RPS6KA2: variants seen among roughly 807,000 people sequenced by gnomAD.
The protein encoded by RPS6KA2 is ribosomal protein S6 kinase A2.
Under a neutral mutation model 91.8 loss-of-function variants are expected in RPS6KA2, and 42 were observed. The ratio of observed to expected loss-of-function variants is 0.46; its 90% CI spans 0.36 to 0.59. The LOEUF is 0.59. Ranked by LOEUF, RPS6KA2 falls within the 20% of genes least tolerant of loss-of-function variation. The pLI, the probability that RPS6KA2 is intolerant of heterozygous loss-of-function variation, is 0.00. For missense variants in RPS6KA2, 798 were observed against 978.5 expected, an observed-to-expected ratio of 0.82 and a Z score of 2.46; for synonymous variants, 414 against 393.6, an observed-to-expected ratio of 1.05 and a Z score of -0.61.
chr6:166,787,691 T>C (rs181905930), intron 2 of RPS6KA2, among the ~76,000 whole-genome samples: 8 of 152,156 alleles, frequency 5.3e-5, no homozygotes, highest in Admixed American at 5.2e-4. Flanking sequence ...GAGTAAAGAC[T>C]TAGATGTAAA....
Position 166,412,898 on chromosome 6 carries a change from G to C in RPS6KA2, c.2077-11C>G. On this transcript the variant is annotated splice_polypyrimidine_tract_variant and intron_variant, in intron 20 of 20. Transcript: ENST00000265678. This position sits in a 1 kb window ranked among gnomAD's most constrained non-coding sequence, Gnocchi z 4.3. ...GGCGGCCATCGCGCCCTGCAAAACA[G>C]AAGACAAGGGTGAGAGCCGCGGCGC... 6.5e-7 allele frequency: 1 copy of C among 1,547,190 alleles called. No homozygotes were observed. Among genetic ancestry groups the C allele is most frequent in the Non-Finnish European group, 8.7e-7 (1 of 1,144,366 alleles).
At chr6:166,523,490 C>T (rs970401976) in intron 3 of RPS6KA2, among the ~76,000 whole-genome samples, 3 of 152,184 alleles carry the variant, frequency 2.0e-5, no homozygotes, top group South Asian at 2.1e-4. Flanking sequence ...ACCTTCACCA[C>T]CTCCAAACAA....
chr6:166,714,627 C>T (rs904342537), intron 2 of RPS6KA2, among the ~76,000 whole-genome samples: 30 of 152,268 alleles, frequency 2.0e-4, no homozygotes, highest in Middle Eastern at 3.4e-3. Context: ...GAGGCAGAGG[C>T]GGGGCAATGC....
chr6:166,539,672 C>G (rs1030680024), intron 1 of RPS6KA2, among the ~76,000 whole-genome samples: 1 of 152,202 alleles, frequency 6.6e-6, no homozygotes, highest in Non-Finnish European at 1.5e-5. Context: ...AAAACACTGA[C>G]AGAAAACACT....
Position 166,853,823 on chromosome 6 carries a change from A to G in RPS6KA2, c.123+4377T>C, listed in dbSNP as rs149374862. Among the ~76,000 whole-genome samples the G allele has an allele frequency of 1.5e-3, 223 of 152,344 alleles. 1 individual carries two copies. The highest frequency in any genetic ancestry group is 5.2e-3 in the African/African-American group (217 of 41,576). On this transcript the variant is annotated intron_variant, in intron 2 of 21. Coordinates refer to the RPS6KA2 transcript ENST00000503859. ...GTTTCCTGCACGGAGCTGTCGCCTC[A>G]TGGAGGCGCTCTCAGCCCCGGTGCT...
In RPS6KA2 at chr6:166,419,608, A is replaced by G. The variant is rs1000376914; in HGVS notation, c.1820+274T>C. Among the ~76,000 whole-genome samples, 2 of 152,212 alleles carry G rather than the reference A, an allele frequency of 1.3e-5. No individual in the cohort carries two copies. The highest frequency in any genetic ancestry group is 4.8e-5 in the African/African-American group (2 of 41,454). On this transcript the variant is annotated intron_variant, in intron 18 of 20. Coordinates refer to ENST00000265678, the MANE Select transcript of RPS6KA2 (RefSeq NM_021135.6). The surrounding 1 kb of genome is among the most constrained non-coding windows in gnomAD (Gnocchi z 5.6). ...AACAGTGGCAGGTGCAGCAGAGAGA[A>G]TGGGGACTATGCTGGCAAAAGACTT...
At chr6:166,550,820 GT>G (rs1443219427) in intron 1 of RPS6KA2, among the ~76,000 whole-genome samples, 2 of 151,886 alleles carry the variant, frequency 1.3e-5, no homozygotes, top group Non-Finnish European at 2.9e-5. Flanking sequence ...GGCTAACACG[GT>G]GAAACCCCGT....
chr6:166,559,655 G>A (rs1784281888), intron 1 of RPS6KA2, among the ~76,000 whole-genome samples: 1 of 152,170 alleles, frequency 6.6e-6, no homozygotes, highest in East Asian at 1.9e-4. Context: ...TCCGAATTGA[G>A]TAATATGGTC....
In RPS6KA2 at chr6:166,445,133, A is replaced by G. The variant is rs1779636881; in HGVS notation, c.1332+3591T>C. 6.6e-6 allele frequency among the ~76,000 whole-genome samples: 1 copy of G among 151,982 alleles called. No individual in the cohort carries two copies. The highest frequency in any genetic ancestry group is 2.4e-5 in the African/African-American group (1 of 41,382). Reference sequence around the variant, plus strand: ...GAAGTACTATGATTCCATACTCACTATGAACCTCCATACCTGACCGTCATA... The same window carrying G: ...GAAGTACTATGATTCCATACTCACTGTGAACCTCCATACCTGACCGTCATA... On this transcript the variant is annotated intron_variant, in intron 14 of 20. Coordinates refer to ENST00000265678, the MANE Select transcript of RPS6KA2 (RefSeq NM_021135.6). This position sits in a 1 kb window ranked among gnomAD's most constrained non-coding sequence, Gnocchi z 4.5.
intron 2 of RPS6KA2, chr6:166,701,677 G>A: frequency 3.1e-6 from 4 of 1,269,848 alleles, no homozygotes; most frequent in Non-Finnish European, 4.6e-6. Flanking sequence ...CCCTGAGGTG[G>A]GAGGTGGCAT....
At chr6:166,798,213 A>G (rs1322237887) in intron 2 of RPS6KA2, among the ~76,000 whole-genome samples, 1 of 152,220 alleles carries the variant, frequency 6.6e-6, no homozygotes, top group Non-Finnish European at 1.5e-5. Context: ...TCAGAGCCCA[A>G]TGTCATCAGC....
chr6:166,512,508 C>T (rs1236672827), intron 3 of RPS6KA2, among the ~76,000 whole-genome samples: 2 of 152,204 alleles, frequency 1.3e-5, no homozygotes, highest in African/African-American at 4.8e-5. Context: ...ATTCCTGGGT[C>T]CCTGAGTTTC....
At chr6:166,611,161 A>G (rs1786157880) in intron 1 of RPS6KA2, among the ~76,000 whole-genome samples, 1 of 152,248 alleles carries the variant, frequency 6.6e-6, no homozygotes, top group Non-Finnish European at 1.5e-5. Context: ...CTATGTTTTG[A>G]AGCAAATTTA....
intron 2 of RPS6KA2, among the ~76,000 whole-genome samples, chr6:166,782,529 C>G (rs1778796902): frequency 6.6e-6 from 1 of 152,150 alleles, no homozygotes; most frequent in Non-Finnish European, 1.5e-5. Context: ...GAAGCCAGCA[C>G]TGAAGCAGCA....
chr6:166,840,098 G>A (rs140393238), intron 2 of RPS6KA2, among the ~76,000 whole-genome samples: 59 of 152,208 alleles, frequency 3.9e-4, no homozygotes, highest in African/African-American at 1.4e-3. Flanking sequence ...ACTGGAAACT[G>A]TTCTGCAAAG....
intron 2 of RPS6KA2, among the ~76,000 whole-genome samples, chr6:166,673,677 T>C (rs894441803): frequency 3.3e-5 from 5 of 152,256 alleles, no homozygotes; most frequent in African/African-American, 9.6e-5. Context: ...AGGTCAGCTT[T>C]GAATGTGGCC....
chr6:166,750,616 G>A (rs544603531), intron 2 of RPS6KA2, among the ~76,000 whole-genome samples: 77 of 152,312 alleles, frequency 5.1e-4, no homozygotes, highest in African/African-American at 1.7e-3. Context: ...CTGTGGCTGA[G>A]GACCGCAGGT....
chr6:166,810,421 G>A (rs1330179607), intron 2 of RPS6KA2, among the ~76,000 whole-genome samples: 2 of 152,154 alleles, frequency 1.3e-5, no homozygotes, highest in African/African-American at 4.8e-5. Context: ...TTTGTGACGG[G>A]AAAGTGAGGG....
intron 14 of RPS6KA2, among the ~76,000 whole-genome samples, chr6:166,446,912 G>A (rs1221137765): frequency 6.6e-6 from 1 of 152,170 alleles, no homozygotes; most frequent in East Asian, 1.9e-4. Context: ...AGGAGCCTAT[G>A]TAGGCTTACG....
Sources: allele counts gnomAD v4.1 joint callset (sites outside exome capture counted in the v4.1 genomes callset), GRCh38; gene constraint gnomAD v4.1.1; non-coding constraint Gnocchi (gnomAD v3.1); transcripts MANE v1.5; gene names NCBI Gene and HGNC (gene_info 2026-07-23, HGNC 2026-07-21).